The following TIE1 variants were observed in gnomAD, a reference collection of about 807,000 sequenced individuals.
TIE1 encodes tyrosine kinase with immunoglobulin like and EGF like domains 1.
A neutral mutation model predicts 130.5 loss-of-function variants in TIE1; 89 were observed. The observed-to-expected ratio is 0.68, with a 90% confidence interval of 0.57 to 0.81. The LOEUF is 0.81. TIE1 is among the 40% of genes least tolerant of loss of function. The probability of loss-of-function intolerance (pLI) is 0.00; values close to 1 mark genes in which losing one functional copy is unlikely to be tolerated. For missense variants in TIE1, 1,392 were observed against 1,559.8 expected, an observed-to-expected ratio of 0.89 and a Z score of 1.81; for synonymous variants, 568 against 629.4, an observed-to-expected ratio of 0.90 and a Z score of 1.46.
intron 1 of TIE1, 107 bp from the exon 2 acceptor site, chr1:43,304,744 C>T (rs939906858): frequency 1.6e-6 from 2 of 1,234,438 alleles, no homozygotes; most frequent in African/African-American, 1.6e-5. Context: ...TGGAGACCCT[C>T]TTCTGAGTGG....
intron 1 of TIE1, among the ~76,000 whole-genome samples, chr1:43,303,431 G>A (rs1449915219): frequency 2.6e-5 from 4 of 152,214 alleles, no homozygotes; most frequent in Admixed American, 2.0e-4. Flanking sequence ...GTGGAAAATG[G>A]GGGTTGGTAT....
rs1400421565 is a variant in TIE1 at position 43,312,758 on chromosome 1, G to A, written c.1927+157G>A. Reference sequence around the variant, plus strand: ...ATTAGGCAGACGTGACCCCAGCGGGGACATGGGACTTGGGGAAGATCCAGG... The same window carrying A: ...ATTAGGCAGACGTGACCCCAGCGGGAACATGGGACTTGGGGAAGATCCAGG... On this transcript the variant is annotated intron_variant, in intron 12 of 22. Transcript: ENST00000372476. This position sits in a 1 kb window ranked among gnomAD's most constrained non-coding sequence, Gnocchi z 5.6. 2.6e-5 allele frequency among the ~76,000 whole-genome samples: 4 copies of A among 152,122 alleles called. No individual in the cohort carries two copies. In the East Asian group the frequency reaches 7.7e-4, roughly 29 times the overall value.
chr1:43,321,252 C>T lies in TIE1; in HGVS notation c.3108-17C>T, dbSNP rs745475339. The T allele has an allele frequency of 6.2e-6, 10 of 1,613,818 alleles. No individual in the cohort carries two copies. In the Middle Eastern group the frequency reaches 4.9e-4, roughly 80 times the overall value. On this transcript the variant is annotated splice_polypyrimidine_tract_variant and intron_variant, in intron 19 of 22. Transcript: ENST00000372476. Reference sequence around the variant, plus strand: ...CCAGGGCCTAGAAGGTAACTAAGTGCATCCTTCTTATTTCAGCTGGTCCTT... The same window carrying T: ...CCAGGGCCTAGAAGGTAACTAAGTGTATCCTTCTTATTTCAGCTGGTCCTT...
At chr1:43,308,027 C>T in intron 7 of TIE1, 103 bp downstream of exon 7, 1 of 1,503,868 alleles carries the variant, frequency 6.6e-7, no homozygotes, top group Non-Finnish European at 9.0e-7. Flanking sequence ...CTACGAGGGT[C>T]CAAGTCCTGC....
intron 1 of TIE1, among the ~76,000 whole-genome samples, chr1:43,303,309 T>C (rs190121483): frequency 1.3e-5 from 2 of 152,116 alleles, no homozygotes; most frequent in Non-Finnish European, 2.9e-5. Context: ...TCAGAGGTGA[T>C]GGTTAAAACT....
intron 1 of TIE1, among the ~76,000 whole-genome samples, chr1:43,302,298 G>A (rs1646678133): frequency 6.6e-6 from 1 of 152,214 alleles, no homozygotes; most frequent in Non-Finnish European, 1.5e-5. Flanking sequence ...AAATGATGCA[G>A]AGCAGTTGGC....
Position 43,313,699 on chromosome 1 carries a change from C to G in TIE1, c.2219-79C>G. On this transcript the variant is annotated intron_variant, in intron 13 of 22. Coordinates refer to ENST00000372476, the MANE Select transcript of TIE1 (RefSeq NM_005424.5). The surrounding 1 kb of genome is among the most constrained non-coding windows in gnomAD (Gnocchi z 6.2). ...CCTGGCACTGGGATCTTTCACCTCT[C>G]CCTCTGTGTAACCCCATGGTGGCCT... is the stretch of plus-strand genomic sequence containing the variant. 5.6e-6 allele frequency: 8 copies of G among 1,428,344 alleles called. No homozygotes were observed. The highest frequency in any genetic ancestry group is 7.5e-6 in the Non-Finnish European group (8 of 1,063,050). The allele number at this position is 1,428,344 out of a possible 1,614,324, so 88.5% of individuals were successfully genotyped here. A position where few individuals can be genotyped will look rare whatever the true frequency, so the allele number is the denominator to read the frequency against.
At position 43,309,605 on chromosome 1, in the gene TIE1, G is replaced by A. The variant is rs1329768730; in HGVS notation, c.1333+73G>A. 1.3e-6 allele frequency: 2 copies of A among 1,490,042 alleles called. No homozygotes were observed. The highest frequency in any genetic ancestry group is 5.0e-5 in the Admixed American group (2 of 40,232). The allele number at this position is 1,490,042 out of a possible 1,614,324, so 92.3% of individuals were successfully genotyped here. A position where few individuals can be genotyped will look rare whatever the true frequency, so the allele number is the denominator to read the frequency against. On this transcript the variant is annotated intron_variant, in intron 9 of 22. Transcript: ENST00000372476. This position sits in a 1 kb window ranked among gnomAD's most constrained non-coding sequence, Gnocchi z 6.3. ...GCTCTAGATGATGCTGCTCAGGCTG[G>A]AGATACTAGCAGGAAGGACAAGGAC...
Position 43,312,743 on chromosome 1 carries a change from C to T in TIE1, c.1927+142C>T, listed in dbSNP as rs1646812526. ...GGACACACATAGGGTATTAGGCAGA[C>T]GTGACCCCAGCGGGGACATGGGACT... On this transcript the variant is annotated intron_variant, in intron 12 of 22. Coordinates refer to ENST00000372476, the MANE Select transcript of TIE1 (RefSeq NM_005424.5). The surrounding 1 kb of genome is among the most constrained non-coding windows in gnomAD (Gnocchi z 5.6). 4 of 1,005,710 alleles carry T rather than the reference C, an allele frequency of 4.0e-6. No individual in the cohort carries two copies. The highest frequency in any genetic ancestry group is 2.9e-5 in the Admixed American group (1 of 34,270). 62.3% of individuals were successfully genotyped at this position (1,005,710 alleles called of 1,614,324 possible).
In TIE1 at chr1:43,317,916, C is replaced by CG; in HGVS notation, c.2769dup (p.Asn924GlufsTer15). 1 of 1,614,128 alleles carries CG rather than the reference C, an allele frequency of 6.2e-7. No individual in the cohort carries two copies. Among genetic ancestry groups the CG allele is most frequent in the Non-Finnish European group, 8.5e-7 (1 of 1,179,984 alleles). On this transcript the variant is annotated frameshift_variant, in exon 17 of 23. Transcript: ENST00000372476. LOFTEE classifies it high-confidence loss of function. The surrounding 1 kb of genome is among the most constrained non-coding windows in gnomAD (Gnocchi z 5.1). ...ATATCGCTATTGAATATGCCCCCTA[C>CG]GGGAACCTGCTAGATTTTCTGCGGA...
Position 43,306,304 on chromosome 1 carries a change from GA to G in TIE1, c.485-534del, listed in dbSNP as rs1646727614. 6.6e-6 allele frequency among the ~76,000 whole-genome samples: 1 copy of G among 152,220 alleles called. No homozygotes were observed. The highest frequency in any genetic ancestry group is 2.4e-5 in the African/African-American group (1 of 41,450). On this transcript the variant is annotated intron_variant, in intron 3 of 22. Transcript: ENST00000372476. The surrounding 1 kb of genome is among the most constrained non-coding windows in gnomAD (Gnocchi z 4.9). ...TCTAGAAGAGAAACAATCCATTCAG[GA>G]ATTCAGGAATGTTAGGAGTCAAGAA...
chr1:43,309,290 T>C lies in TIE1; in HGVS notation c.1189-98T>C. The C allele has an allele frequency of 1.3e-6, 2 of 1,518,218 alleles. No homozygotes were observed. Among genetic ancestry groups the C allele is most frequent in the Non-Finnish European group, 1.8e-6 (2 of 1,133,964 alleles). The allele number at this position is 1,518,218 out of a possible 1,614,324, so 94.0% of individuals were successfully genotyped here. On this transcript the variant is annotated intron_variant, in intron 8 of 22. Transcript: ENST00000372476. The surrounding 1 kb of genome is among the most constrained non-coding windows in gnomAD (Gnocchi z 6.3). ...GGCTGATTGGTGAGGGGGCTGCCAC[T>C]GGGCCTCTGTCCTGCCATCAGTCCA...
rs1646741335 is a variant in TIE1 at position 43,307,413 on chromosome 1, C to G, written c.773-19C>G. On this transcript the variant is annotated intron_variant, in intron 5 of 22. Transcript: ENST00000372476. This position sits in a 1 kb window ranked among gnomAD's most constrained non-coding sequence, Gnocchi z 5.4. ...AGGGGCCCACAGAGGCCCATACACC[C>G]CACACACTCTCTTTCTAGCCTGCAG... The G allele has an allele frequency of 1.2e-6, 2 of 1,613,856 alleles. No individual in the cohort carries two copies. The highest frequency in any genetic ancestry group is 1.7e-6 in the Non-Finnish European group (2 of 1,179,926).
Position 43,319,565 on chromosome 1 carries a change from C to T in TIE1, c.3107+36C>T, listed in dbSNP as rs756016778. 9 of 1,602,826 alleles carry T rather than the reference C, an allele frequency of 5.6e-6. No individual in the cohort carries two copies. Among genetic ancestry groups the T allele is most frequent in the Non-Finnish European group, 6.8e-6 (8 of 1,170,028 alleles). On this transcript the variant is annotated intron_variant, in intron 19 of 22. Coordinates refer to ENST00000372476, the MANE Select transcript of TIE1 (RefSeq NM_005424.5). This position sits in a 1 kb window ranked among gnomAD's most constrained non-coding sequence, Gnocchi z 4.7. ...GATGAGAGGGCACAGGAGGGCTTGG[C>T]CCCCAAGAATCACCCAGGCCTGACC...
chr1:43,312,509 C>G lies in TIE1; in HGVS notation c.1835C>G (p.Pro612Arg). 6.2e-7 allele frequency: 1 copy of G among 1,613,350 alleles called. No individual in the cohort carries two copies. The highest frequency in any genetic ancestry group is 8.5e-7 in the Non-Finnish European group (1 of 1,179,906). The change falls in exon 12 of 23, where the codon CCT becomes CGT. Residue 612 changes from proline (P) to arginine (R), a missense_variant. Coordinates refer to ENST00000372476, the MANE Select transcript of TIE1 (RefSeq NM_005424.5). This position sits in a 1 kb window ranked among gnomAD's most constrained non-coding sequence, Gnocchi z 5.6. ...ACTGCCCTCCTGACGGGACTCACGC[C>G]TGGCACCCACTACCAGCTGGATGTG... is the stretch of plus-strand genomic sequence containing the variant. ...ARTALLTGLT[P>R]GTHYQLDVQL...
Position 43,307,941 on chromosome 1 carries a change from C to T in TIE1, c.1042+17C>T. 1 of 1,613,122 alleles carries T rather than the reference C, an allele frequency of 6.2e-7. No individual in the cohort carries two copies. The highest frequency in any genetic ancestry group is 8.5e-7 in the Non-Finnish European group (1 of 1,179,202). On this transcript the variant is annotated intron_variant, in intron 7 of 22. Transcript: ENST00000372476. This position sits in a 1 kb window ranked among gnomAD's most constrained non-coding sequence, Gnocchi z 5.4. The stretch of plus-strand genomic sequence containing the variant: ...AGAAGTCAGGTATAAGCACTATGAC[C>T]TCTGAGAGCCCCCCAAGATAAGTCG...
chr1:43,309,432 C>T lies in TIE1; in HGVS notation c.1233C>T (p.Phe411=), dbSNP rs146776938. 50 of 1,610,522 alleles carry T rather than the reference C, an allele frequency of 3.1e-5. No individual in the cohort carries two copies. Among genetic ancestry groups the T allele is most frequent in the Non-Finnish European group, 3.9e-5 (46 of 1,178,450 alleles). Residue 411 remains phenylalanine (F), a synonymous_variant, in exon 9 of 23, where the codon TTC becomes TTT. Transcript: ENST00000372476. This position sits in a 1 kb window ranked among gnomAD's most constrained non-coding sequence, Gnocchi z 6.3. ...AGCCAGAGAAGACCACAGCTGAGTT[C>T]GAGGTGCCCCGCTTGGTTCTTGCGG... ...IVEPEKTTAE[F]EVPRLVLADS...
Position 43,318,487 on chromosome 1 carries a change from G to C in TIE1, c.2922+415G>C, listed in dbSNP as rs1646883060. Among the ~76,000 whole-genome samples, 1 of 151,904 alleles carries C rather than the reference G, an allele frequency of 6.6e-6. No individual in the cohort carries two copies. The highest frequency in any genetic ancestry group is 6.6e-5 in the Admixed American group (1 of 15,262). On this transcript the variant is annotated intron_variant, in intron 17 of 22. Coordinates refer to ENST00000372476, the MANE Select transcript of TIE1 (RefSeq NM_005424.5). This position sits in a 1 kb window ranked among gnomAD's most constrained non-coding sequence, Gnocchi z 4.4. Reference sequence around the variant, plus strand: ...GGGATGACTGTCCAGGGGAGTGTGAGTCTGAGGGAAGGCATTTTATCTTTT... The same window carrying C: ...GGGATGACTGTCCAGGGGAGTGTGACTCTGAGGGAAGGCATTTTATCTTTT...
Position 43,313,217 on chromosome 1 carries a change from G to A in TIE1, c.2010G>A (p.Leu670=). ...IQLTWKHPEA[L]PGPISKYVVE... Reference sequence around the variant, plus strand: ...TGACATGGAAGCACCCGGAGGCTCTGCCTGGGCCAATATCCAAGTACGTTG... The same window carrying A: ...TGACATGGAAGCACCCGGAGGCTCTACCTGGGCCAATATCCAAGTACGTTG... Residue 670 remains leucine (L), a synonymous_variant, in exon 13 of 23, where the codon CTG becomes CTA. Transcript: ENST00000372476. The surrounding 1 kb of genome is among the most constrained non-coding windows in gnomAD (Gnocchi z 6.2). The A allele has an allele frequency of 5.6e-6, 9 of 1,613,958 alleles. No individual in the cohort carries two copies. Among genetic ancestry groups the A allele is most frequent in the Non-Finnish European group, 7.6e-6 (9 of 1,179,910 alleles).
Sources: gnomAD v4.1 joint callset for allele counts (sites outside exome capture counted in the v4.1 genomes callset) on GRCh38, gnomAD v4.1.1 for gene constraint, Gnocchi (gnomAD v3.1) non-coding constraint, MANE v1.5 for transcripts, NCBI Gene and HGNC (gene_info 2026-07-23, HGNC 2026-07-21) for gene names.